HCN1: variants seen among roughly 807,000 people sequenced by gnomAD.
The protein encoded by HCN1 is hyperpolarization activated cyclic nucleotide gated potassium channel 1.
HCN1 carries 13 observed loss-of-function variants against 78.9 expected under a neutral mutation model. The ratio of observed to expected loss-of-function variants is 0.16; its 90% CI spans 0.11 to 0.26. The LOEUF (loss-of-function observed/expected upper bound fraction) is 0.26, where lower values mean the gene tolerates loss of function less well. Among genes scored for constraint, HCN1 ranks in the 10% least tolerant of loss-of-function variants. HCN1 has a pLI of 1.00. For synonymous variants in HCN1, 552 were observed against 455.5 expected (o/e 1.21, Z -2.70); for missense variants, 810 against 1,154.3 (o/e 0.70, Z 4.32).
chr5:45,648,689 T>G (rs191089197), intron 1 of HCN1, among the ~76,000 whole-genome samples: 11 of 152,180 alleles, frequency 7.2e-5, no homozygotes, highest in African/African-American at 2.4e-4. Context: ...CTCTCAAAAT[T>G]TCTCTTAGAT....
chr5:45,540,359 A>C (rs1456616658), intron 2 of HCN1, among the ~76,000 whole-genome samples: 2 of 149,328 alleles, frequency 1.3e-5, no homozygotes, highest in Non-Finnish European at 3.0e-5. Context: ...AGAGAGTCTC[A>C]CTCTGTCATC....
intron 3 of HCN1, among the ~76,000 whole-genome samples, chr5:45,398,501 T>A (rs78531360): frequency 3.9e-4 from 59 of 152,292 alleles, no homozygotes; most frequent in African/African-American, 1.4e-3. Context: ...GGTTCATGTA[T>A]TTATTACCAC....
chr5:45,501,034 T>A (rs1742176716), intron 2 of HCN1, among the ~76,000 whole-genome samples: 1 of 152,124 alleles, frequency 6.6e-6, no homozygotes, highest in South Asian at 2.1e-4. Flanking sequence ...ACAGAGCAAG[T>A]AAAATATCAG....
intron 6 of HCN1, among the ~76,000 whole-genome samples, chr5:45,295,890 G>A (rs767177489): frequency 6.6e-6 from 1 of 151,768 alleles, no homozygotes; most frequent in Non-Finnish European, 1.5e-5. Context: ...AAATAGGCAG[G>A]GATTGTATAA....
intron 3 of HCN1, among the ~76,000 whole-genome samples, chr5:45,427,042 A>T (rs981826877): frequency 8.6e-5 from 13 of 152,004 alleles, no homozygotes; most frequent in African/African-American, 3.1e-4. Context: ...CATACCTATA[A>T]TATGACACAC....
intron 2 of HCN1, among the ~76,000 whole-genome samples, chr5:45,562,510 A>G (rs1743625172): frequency 9.5e-6 from 1 of 104,748 alleles, no homozygotes; most frequent in Admixed American, 9.1e-5. Context: ...CATGTCTACA[A>G]AACAAACAAA....
chr5:45,624,740 C>A (rs1360842791), intron 2 of HCN1, among the ~76,000 whole-genome samples: 1 of 151,360 alleles, frequency 6.6e-6, no homozygotes, highest in Non-Finnish European at 1.5e-5. Context: ...ATGTATGGAG[C>A]CATTTGGGAA....
intron 4 of HCN1, 37 bp downstream of exon 4, chr5:45,396,455 C>G (rs757409485): frequency 6.6e-6 from 10 of 1,522,440 alleles, no homozygotes; most frequent in Non-Finnish European, 8.1e-6. Flanking sequence ...TTCAGGTTAG[C>G]TGGTTAAAGA....
intron 2 of HCN1, among the ~76,000 whole-genome samples, chr5:45,489,708 A>G (rs1386321233): frequency 6.6e-6 from 1 of 152,168 alleles, no homozygotes; most frequent in African/African-American, 2.4e-5. Flanking sequence ...ATGATGAGCC[A>G]GGCATTGTCT....
At chr5:45,646,746 T>C (rs1395793622) in intron 1 of HCN1, among the ~76,000 whole-genome samples, 2 of 152,122 alleles carry the variant, frequency 1.3e-5, no homozygotes. Flanking sequence ...CTGTTGACAC[T>C]CCTATTAATC....
chr5:45,626,352 C>A (rs1408141805), intron 2 of HCN1, among the ~76,000 whole-genome samples: 1 of 152,098 alleles, frequency 6.6e-6, no homozygotes, highest in African/African-American at 2.4e-5. Context: ...ATGTGCTGCT[C>A]CTGGGAAACA....
chr5:45,406,529 C>T (rs1321134898), intron 3 of HCN1, among the ~76,000 whole-genome samples: 1 of 152,090 alleles, frequency 6.6e-6, no homozygotes, highest in Non-Finnish European at 1.5e-5. Context: ...CTTGTAGGTG[C>T]CAAATCTGGA....
chr5:45,420,677 C>T (rs890668055), intron 3 of HCN1, among the ~76,000 whole-genome samples: 1 of 151,994 alleles, frequency 6.6e-6, no homozygotes, highest in Non-Finnish European at 1.5e-5. Flanking sequence ...TTTTATTTCT[C>T]TAACTCAAAG....
At chr5:45,664,069 CAAT>C (rs1332880814) in intron 1 of HCN1, among the ~76,000 whole-genome samples, 4 of 126,558 alleles carry the variant, frequency 3.2e-5, no homozygotes, top group Non-Finnish European at 6.5e-5. Flanking sequence ...AAATGTCCAA[CAAT>C]GATAGACTGG....
Position 45,696,160 on chromosome 5 carries a change from G to C in HCN1, c.-67C>G. 1.8e-6 allele frequency: 2 copies of C among 1,118,294 alleles called. No homozygotes were observed. Among genetic ancestry groups the C allele is most frequent in the Non-Finnish European group, 2.3e-6 (2 of 882,124 alleles). The allele number at this position is 1,118,294 out of a possible 1,614,324, so 69.3% of individuals were successfully genotyped here. ...GCCGGCCGCCCGGCGCCGGAGACAC[G>C]TAGCCGAGAGGGTAGGGGCCCGAGC... On this transcript the variant is annotated 5_prime_UTR_variant, in exon 1 of 8. Coordinates refer to ENST00000303230, the MANE Select transcript of HCN1 (RefSeq NM_021072.4).
chr5:45,489,733 C>T (rs76935023), intron 2 of HCN1, among the ~76,000 whole-genome samples: 357 of 152,198 alleles, frequency 2.3e-3, no homozygotes, highest in African/African-American at 8.1e-3. Flanking sequence ...GAAGTGTTCT[C>T]CAAGATGTGG....
chr5:45,265,050 C>G (rs752271909), intron 7 of HCN1, among the ~76,000 whole-genome samples: 2 of 151,920 alleles, frequency 1.3e-5, no homozygotes, highest in African/African-American at 4.8e-5. Flanking sequence ...ATTAGCAGGG[C>G]GTGGCAGTGC....
chr5:45,326,435 TC>T (rs980108457), intron 5 of HCN1, among the ~76,000 whole-genome samples: 3 of 151,664 alleles, frequency 2.0e-5, no homozygotes, highest in Non-Finnish European at 3.0e-5. Flanking sequence ...ACATTGCCAT[TC>T]TTTTTAGTGG....
intron 1 of HCN1, among the ~76,000 whole-genome samples, chr5:45,664,902 G>C (rs1469439623): frequency 1.3e-5 from 2 of 151,888 alleles, no homozygotes; most frequent in Non-Finnish European, 2.9e-5. Context: ...GATTCCTCAG[G>C]CATCTAGAAC....
Sources: allele counts gnomAD v4.1 joint callset (sites outside exome capture counted in the v4.1 genomes callset), GRCh38; gene constraint gnomAD v4.1.1; transcripts MANE v1.5; gene names NCBI Gene and HGNC (gene_info 2026-07-23, HGNC 2026-07-21).